The following RANBP17 variants were observed in gnomAD, a reference collection of about 807,000 sequenced individuals.
The protein encoded by RANBP17 is ran-binding protein 17.
A neutral mutation model predicts 141.2 loss-of-function variants in RANBP17; 158 were observed. The observed-to-expected ratio is 1.12, with a 90% confidence interval of 0.98 to 1.28. The LOEUF is 1.28. Among genes scored for constraint, RANBP17 ranks in the 50% most tolerant of loss-of-function variants. The pLI, the probability that RANBP17 is intolerant of heterozygous loss-of-function variation, is 0.00. For synonymous variants in RANBP17, 430 were observed against 450.0 expected, an observed-to-expected ratio of 0.96 and a Z score of 0.56; for missense variants, 1,438 against 1,290.7, an observed-to-expected ratio of 1.11 and a Z score of -1.75.
At position 171,152,764 on chromosome 5, in the gene RANBP17, G is replaced by A. The variant is rs541826764; in HGVS notation, c.1711-17366G>A. Among the ~76,000 whole-genome samples the A allele has an allele frequency of 1.1e-4, 17 of 152,218 alleles. No homozygotes were observed. The South Asian group carries it at 2.5e-3, about 22-fold the overall frequency. On this transcript the variant is annotated intron_variant, in intron 14 of 27. Transcript: ENST00000523189. ...TTAAAACTTAATAATGGCAATGCTC[G>A]CACTCATTTATTGTTTATTATACAC...
At chr5:171,132,382 T>G (rs1204379114) in intron 14 of RANBP17, among the ~76,000 whole-genome samples, 1 of 151,644 alleles carries the variant, frequency 6.6e-6, no homozygotes, top group Admixed American at 6.6e-5. Flanking sequence ...TAGTTGTTTT[T>G]TTTTTTTTAA....
rs376197097 is a variant in RANBP17 at position 171,144,771 on chromosome 5, T to G, written c.1711-25359T>G. 1.3e-3 allele frequency among the ~76,000 whole-genome samples: 198 copies of G among 152,392 alleles called. 9 individuals carry two copies. The South Asian group carries it at 0.039, about 30-fold the overall frequency. On this transcript the variant is annotated intron_variant, in intron 14 of 27. Transcript: ENST00000523189. ...CACTTGAAATGACATTATGACTTAC[T>G]GTGAGACAGGATAATTTGTAGTTTC... is the stretch of plus-strand genomic sequence containing the variant.
intron 18 of RANBP17, among the ~76,000 whole-genome samples, chr5:171,191,732 G>A (rs1278012631): frequency 6.6e-6 from 1 of 151,628 alleles, no homozygotes; most frequent in East Asian, 1.9e-4. Context: ...GAGATTAAAT[G>A]ACCTGCCCAA....
intron 14 of RANBP17, among the ~76,000 whole-genome samples, chr5:171,019,017 T>G (rs942045614): frequency 8.5e-5 from 13 of 152,352 alleles, no homozygotes; most frequent in African/African-American, 3.1e-4. Context: ...GAGATAATCC[T>G]GTGGTTTTTG....
chr5:171,170,896 C>T (rs977278643), intron 15 of RANBP17, among the ~76,000 whole-genome samples: 2 of 152,072 alleles, frequency 1.3e-5, no homozygotes, highest in East Asian at 3.9e-4. Flanking sequence ...CTTTGTAACT[C>T]CTGCTTCTCC....
At chr5:170,916,717 CTT>C (rs5873244) in intron 9 of RANBP17, 133 bp downstream of exon 9, 32,202 of 256,860 alleles carry the variant, frequency 0.13, 6 homozygotes, top group East Asian at 0.21. Flanking sequence ...TTCCTTAGAG[CTT>C]TTTTTTTTTT....
At chr5:170,876,977 C>T (rs1309087078) in intron 1 of RANBP17, among the ~76,000 whole-genome samples, 1 of 152,060 alleles carries the variant, frequency 6.6e-6, no homozygotes, top group Admixed American at 6.6e-5. Flanking sequence ...AATTTGTTTT[C>T]AGAAGACCTC....
rs757585137 is a variant in RANBP17 at position 171,186,526 on chromosome 5, C to CTTTTTTTTTTTTTTTTTTTTTTTT, written c.2038+3101_2038+3124dup. Among the ~76,000 whole-genome samples, 2 of 41,650 alleles carry CTTTTTTTTTTTTTTTTTTTTTTTT rather than the reference C, an allele frequency of 4.8e-5. 1 individual carries two copies. Among genetic ancestry groups the CTTTTTTTTTTTTTTTTTTTTTTTT allele is most frequent in the Non-Finnish European group, 8.5e-5 (2 of 23,572 alleles). The allele number at this position is 41,650 out of a possible 152,430, so 27.3% of individuals were successfully genotyped here. A position where few individuals can be genotyped will look rare whatever the true frequency, so the allele number is the denominator to read the frequency against. On this transcript the variant is annotated intron_variant, in intron 18 of 27. Coordinates refer to ENST00000523189, the MANE Select transcript of RANBP17 (RefSeq NM_022897.5). Reference sequence around the variant, plus strand: ...GAAATGTTATCACTGGTATGATTTTCTTTTTTTTTTTTTTTTTTTTTTTTT... The same window carrying CTTTTTTTTTTTTTTTTTTTTTTTT: ...GAAATGTTATCACTGGTATGATTTTCTTTTTTTTTTTTTTTTTTTTTTTTTTTTTTTTTTTTTTTTTTTTTTTTT...
intron 21 of RANBP17, among the ~76,000 whole-genome samples, chr5:171,218,402 A>G (rs1210300869): frequency 2.0e-5 from 3 of 152,180 alleles, no homozygotes; most frequent in Non-Finnish European, 4.4e-5. Flanking sequence ...GATGTCTATT[A>G]GGTTTACTTG....
chr5:171,114,167 G>A lies in RANBP17; in HGVS notation c.1711-55963G>A, dbSNP rs547237508. On this transcript the variant is annotated intron_variant, in intron 14 of 27. Transcript: ENST00000523189. Reference sequence around the variant, plus strand: ...AGGAATTTTTTTAAATTACCAAAGCGTCCATGTACAAAAAGTTTGAGAACT... The same window carrying A: ...AGGAATTTTTTTAAATTACCAAAGCATCCATGTACAAAAAGTTTGAGAACT... 3.1e-4 allele frequency among the ~76,000 whole-genome samples: 47 copies of A among 152,082 alleles called. No individual in the cohort carries two copies. The East Asian group carries it at 4.1e-3, about 13-fold the overall frequency.
chr5:170,910,619 T>C (rs1324417269), intron 6 of RANBP17: 1 of 178,422 alleles, frequency 5.6e-6, no homozygotes, highest in Non-Finnish European at 1.2e-5. Flanking sequence ...AAATTTCATA[T>C]AATTTCCTCT....
At chr5:171,009,457 T>C (rs1350642625) in intron 14 of RANBP17, among the ~76,000 whole-genome samples, 1 of 152,122 alleles carries the variant, frequency 6.6e-6, no homozygotes, top group East Asian at 1.9e-4. Flanking sequence ...TTAGGACCCT[T>C]GAGGTAATAT....
At chr5:170,914,629 C>T (rs1771799332) in intron 8 of RANBP17, among the ~76,000 whole-genome samples, 1 of 152,134 alleles carries the variant, frequency 6.6e-6, no homozygotes, top group African/African-American at 2.4e-5. Flanking sequence ...GGCTCCATGT[C>T]TTAGGTTTGA....
At chr5:171,123,576 A>G (rs951649237) in intron 14 of RANBP17, among the ~76,000 whole-genome samples, 2 of 152,228 alleles carry the variant, frequency 1.3e-5, no homozygotes, top group African/African-American at 4.8e-5. Flanking sequence ...AGGCCCAAGG[A>G]CTGGCCTGTC....
chr5:171,229,344 A>G (rs555469201), intron 22 of RANBP17, among the ~76,000 whole-genome samples: 1 of 152,304 alleles, frequency 6.6e-6, no homozygotes, highest in Non-Finnish European at 1.5e-5. Flanking sequence ...CTTAGATTTC[A>G]GTGGATTCCT....
At chr5:171,091,464 A>C (rs1786272046) in intron 14 of RANBP17, among the ~76,000 whole-genome samples, 1 of 152,142 alleles carries the variant, frequency 6.6e-6, no homozygotes, top group African/African-American at 2.4e-5. Flanking sequence ...CTCTTGGATG[A>C]GACTTTGGAC....
intron 14 of RANBP17, among the ~76,000 whole-genome samples, chr5:171,043,312 A>T (rs1204993265): frequency 6.6e-6 from 1 of 152,190 alleles, no homozygotes; most frequent in Non-Finnish European, 1.5e-5. Context: ...TGTTTCTTCA[A>T]ATGAAATTTT....
At chr5:171,159,511 C>G (rs752705037) in intron 14 of RANBP17, among the ~76,000 whole-genome samples, 1 of 152,128 alleles carries the variant, frequency 6.6e-6, no homozygotes, top group South Asian at 2.1e-4. Flanking sequence ...AAAGGTAGCC[C>G]CTTTCTGTTC....
chr5:171,260,908 T>C (rs529884940), intron 24 of RANBP17, among the ~76,000 whole-genome samples: 1 of 152,144 alleles, frequency 6.6e-6, no homozygotes, highest in South Asian at 2.1e-4. Context: ...AACTACTAGA[T>C]CATTTCCCAT....
Sources: allele counts gnomAD v4.1 joint callset (sites outside exome capture counted in the v4.1 genomes callset), GRCh38; gene constraint gnomAD v4.1.1; transcripts MANE v1.5; gene names NCBI Gene and HGNC (gene_info 2026-07-23, HGNC 2026-07-21).